Variants in ADARB2 observed in about 807,000 individuals in gnomAD.
ADARB2 encodes the protein adenosine deaminase RNA specific B2 (inactive), also known as inactive double-stranded RNA-specific editase B2.
In ADARB2, 25 loss-of-function variants were observed where a neutral mutation model predicts 62.2. The ratio of observed to expected loss-of-function variants is 0.40; its 90% CI spans 0.29 to 0.56. The LOEUF is 0.56. Among genes scored for constraint, ADARB2 ranks in the 20% least tolerant of loss-of-function variants. ADARB2 has a pLI of 0.43. For missense variants in ADARB2, 1,071 were observed against 1,077.4 expected, an observed-to-expected ratio of 0.99 and a Z score of 0.08; for synonymous variants, 572 against 500.8, an observed-to-expected ratio of 1.14 and a Z score of -1.90.
chr10:1,577,657 C>T (rs184055876), intron 1 of ADARB2, among the ~76,000 whole-genome samples: 63 of 152,212 alleles, frequency 4.1e-4, no homozygotes, highest in East Asian at 2.1e-3. Context: ...TGGGAAAGGA[C>T]GGTGGGTGGA....
intron 3 of ADARB2, among the ~76,000 whole-genome samples, chr10:1,317,751 C>CT (rs1036757144): frequency 3.5e-5 from 2 of 56,990 alleles, no homozygotes; most frequent in East Asian, 3.5e-4. Context: ...AGGGGTAGGC[C>CT]TGGGGGGGGG....
intron 8 of ADARB2, among the ~76,000 whole-genome samples, chr10:1,191,339 G>C (rs1589147190): frequency 6.6e-6 from 1 of 152,218 alleles, no homozygotes; most frequent in East Asian, 1.9e-4. Context: ...CGGGGCACCC[G>C]GCACGTGCAC....
At chr10:1,348,642 G>A (rs1471734192) in intron 3 of ADARB2, among the ~76,000 whole-genome samples, 1 of 152,142 alleles carries the variant, frequency 6.6e-6, no homozygotes, top group African/African-American at 2.4e-5. Context: ...TGTTTCCAAG[G>A]GAACCTGAGT....
intron 1 of ADARB2, among the ~76,000 whole-genome samples, chr10:1,461,611 G>T (rs1028436292): frequency 2.6e-5 from 4 of 151,994 alleles, no homozygotes; most frequent in African/African-American, 9.7e-5. Context: ...CCTGGCCTCT[G>T]GTAGACCTTA....
chr10:1,572,351 C>T (rs1383828661), intron 1 of ADARB2, among the ~76,000 whole-genome samples: 2 of 152,138 alleles, frequency 1.3e-5, no homozygotes, highest in African/African-American at 2.4e-5. Flanking sequence ...CAGGTCTCTA[C>T]AGGGCTGAGC....
chr10:1,467,102 C>T (rs993288023), intron 1 of ADARB2, among the ~76,000 whole-genome samples: 5 of 152,142 alleles, frequency 3.3e-5, no homozygotes, highest in South Asian at 2.1e-4. Flanking sequence ...GATCCATTCT[C>T]GTAAAGCAGG....
rs567465251 is a variant in ADARB2, at chr10:1,178,971, A to G, written c.*4222T>C. ...GTGATACTTATTGTATTTTGGGCCA[A>G]TTAGTCAGATTATTTTATTAGAATG... is the stretch of plus-strand genomic sequence containing the variant. On this transcript the variant is annotated 3_prime_UTR_variant, in exon 10 of 10. Transcript: ENST00000381312. 18 of 152,218 alleles carry G rather than the reference A, an allele frequency of 1.2e-4. No homozygotes were observed. Among genetic ancestry groups the G allele is most frequent in the Non-Finnish European group, 2.5e-4 (17 of 68,038 alleles). 9.4% of individuals were successfully genotyped at this position (152,218 alleles called of 1,614,324 possible). A position where few individuals can be genotyped will look rare whatever the true frequency, so the allele number is the denominator to read the frequency against.
At chr10:1,465,839 G>A (rs919571376) in intron 1 of ADARB2, among the ~76,000 whole-genome samples, 2 of 152,168 alleles carry the variant, frequency 1.3e-5, no homozygotes, top group Non-Finnish European at 2.9e-5. Flanking sequence ...CCCTCGGGCG[G>A]TCCTGGCTGA....
chr10:1,308,285 T>G (rs1045187361), intron 3 of ADARB2, among the ~76,000 whole-genome samples: 1 of 152,136 alleles, frequency 6.6e-6, no homozygotes, highest in Admixed American at 6.6e-5. Flanking sequence ...GCTTTCTGGA[T>G]GGACTTATTT....
Position 1,200,038 on chromosome 10 carries a change from C to T in ADARB2, c.1792G>A (p.Val598Ile), listed in dbSNP as rs376165135. 8 of 1,595,474 alleles carry T rather than the reference C, an allele frequency of 5.0e-6. No homozygotes were observed. Among genetic ancestry groups the T allele is most frequent in the Middle Eastern group, 1.8e-4 (1 of 5,698 alleles). ...SLHHTGHLAR[V>I]MSHRMEGVGQ... ...ACACCCTCCATGCGGTGGCTCATGA[C>T]GCGTGCGAGGTGGCCCGTGTGGTGC... The change falls in exon 8 of 10, where the codon GTC becomes ATC. Residue 598 changes from valine to isoleucine, a missense_variant. Transcript: ENST00000381312.
At chr10:1,510,168 CT>C (rs368944808) in intron 1 of ADARB2, among the ~76,000 whole-genome samples, 1 of 45,934 alleles carries the variant, frequency 2.2e-5, no homozygotes, top group South Asian at 6.3e-4. Flanking sequence ...TTCTTTCTTT[CT>C]TTTTCTTTCT....
Position 1,664,305 on chromosome 10 carries a change from C to T in ADARB2, c.100+72746G>A, listed in dbSNP as rs374422322. On this transcript the variant is annotated intron_variant, in intron 1 of 9. Transcript: ENST00000381312. Reference sequence around the variant, plus strand: ...GTTTCTGTGTGCCTGTGTTTCCATGCCTGTGGGTCAGTATCAAGGTATGCA... The same window carrying T: ...GTTTCTGTGTGCCTGTGTTTCCATGTCTGTGGGTCAGTATCAAGGTATGCA... Among the ~76,000 whole-genome samples the T allele has an allele frequency of 7.2e-5, 11 of 152,236 alleles. No individual in the cohort carries two copies. The South Asian group carries it at 8.3e-4, about 11-fold the overall frequency.
chr10:1,490,524 G>A (rs994710124), intron 1 of ADARB2, among the ~76,000 whole-genome samples: 2 of 152,010 alleles, frequency 1.3e-5, no homozygotes, highest in African/African-American at 4.8e-5. Flanking sequence ...AGACAATCAG[G>A]GCTTACTGCA....
chr10:1,717,352 A>T (rs1327292551), intron 1 of ADARB2, among the ~76,000 whole-genome samples: 1 of 151,196 alleles, frequency 6.6e-6, no homozygotes. Flanking sequence ...TGTGTCAGTG[A>T]CAAGTCCATC....
chr10:1,340,090 C>T (rs935008401), intron 3 of ADARB2, among the ~76,000 whole-genome samples: 7 of 151,226 alleles, frequency 4.6e-5, no homozygotes, highest in Admixed American at 3.3e-4. Flanking sequence ...ACCACGTGCC[C>T]CACAGCGGCA....
At chr10:1,275,903 T>C (rs919683583) in intron 3 of ADARB2, among the ~76,000 whole-genome samples, 3 of 152,038 alleles carry the variant, frequency 2.0e-5, no homozygotes, top group Non-Finnish European at 4.4e-5. Context: ...ATCCAGTCTA[T>C]CATTGTTGGA....
At position 1,346,435 on chromosome 10, in the gene ADARB2, G is replaced by A. The variant is rs187717978; in HGVS notation, c.1077+16593C>T. On this transcript the variant is annotated intron_variant, in intron 3 of 9. Transcript: ENST00000381312. ...TCTGGGGACCTGAGGTTGTCACCGC[G>A]CTTTACTTAAAAATGCAGCATATGA... is the stretch of plus-strand genomic sequence containing the variant. Among the ~76,000 whole-genome samples the A allele has an allele frequency of 4.6e-3, 696 of 152,300 alleles. 7 individuals are homozygous for A. The highest frequency in any genetic ancestry group is 0.016 in the African/African-American group (663 of 41,556).
At chr10:1,430,603 G>T (rs778318849) in intron 1 of ADARB2, among the ~76,000 whole-genome samples, 18 of 152,210 alleles carry the variant, frequency 1.2e-4, no homozygotes, top group Non-Finnish European at 2.4e-4. Context: ...AGCCAGGTGT[G>T]GCGGCATGCA....
Position 1,375,570 on chromosome 10 carries a change from A to G in ADARB2, c.187+3504T>C, listed in dbSNP as rs184413273. ...ACAGGGAAGCACATGGTATTCCCCA[A>G]AGGTGCAATACACGCCAGGTGGGAT... On this transcript the variant is annotated intron_variant, in intron 2 of 9. Transcript: ENST00000381312. Among the ~76,000 whole-genome samples the G allele has an allele frequency of 8.5e-5, 13 of 152,336 alleles. No individual in the cohort carries two copies. In the East Asian group the frequency reaches 2.3e-3, roughly 27 times the overall value.
Sources: gnomAD v4.1 joint callset for allele counts (sites outside exome capture counted in the v4.1 genomes callset) on GRCh38, gnomAD v4.1.1 for gene constraint, MANE v1.5 for transcripts, NCBI Gene and HGNC (gene_info 2026-07-23, HGNC 2026-07-21) for gene names.